TRPS1: variants seen among roughly 807,000 people sequenced by gnomAD.
TRPS1 encodes the protein transcriptional repressor GATA binding 1.
Under a neutral mutation model 101.2 loss-of-function variants are expected in TRPS1, and 6 were observed. The observed-to-expected ratio is 0.06, with a 90% CI of 0.03 to 0.12. TRPS1 has a LOEUF of 0.12. TRPS1 is among the 10% of genes least tolerant of loss of function. The probability of loss-of-function intolerance (pLI) is 1.00; values close to 1 mark genes in which losing one functional copy is unlikely to be tolerated. For missense variants in TRPS1, 1,363 were observed against 1,567.0 expected, an observed-to-expected ratio of 0.87 and a Z score of 2.20; for synonymous variants, 578 against 589.8, an observed-to-expected ratio of 0.98 and a Z score of 0.29.
chr8:115,531,488 G>T (rs893065216), intron 5 of TRPS1, among the ~76,000 whole-genome samples: 1 of 152,066 alleles, frequency 6.6e-6, no homozygotes, highest in East Asian at 1.9e-4. Context: ...AAAATGTAAA[G>T]AAAATAGGGG....
At chr8:115,521,930 C>T (rs1357646460) in intron 5 of TRPS1, among the ~76,000 whole-genome samples, 1 of 151,830 alleles carries the variant, frequency 6.6e-6, no homozygotes, top group East Asian at 1.9e-4. Flanking sequence ...TTAATGTCCT[C>T]ATGAAGAGAC....
intron 5 of TRPS1, among the ~76,000 whole-genome samples, chr8:115,582,431 C>T (rs563447583): frequency 1.3e-5 from 2 of 152,274 alleles, no homozygotes; most frequent in African/African-American, 2.4e-5. Context: ...TTTAACGCTG[C>T]TGAAGAAAAG....
rs1817581188 is a variant in TRPS1, at chr8:115,587,202, G to C, written c.2499C>G (p.Thr833=). Residue 833 remains threonine, a synonymous_variant, in exon 5 of 7, where the codon ACC becomes ACG. Transcript: ENST00000395715. ...CCCTTAGAGTCTTTGTCTGCTCTTGGGTGCCAGACACAGGCGTCAGCAGCC... is the reference window on the plus strand; with the variant it reads ...CCCTTAGAGTCTTTGTCTGCTCTTGCGTGCCAGACACAGGCGTCAGCAGCC... The part of the protein sequence containing the change: ...SLGLLTPVSG[T]QEQTKTLRDS... The C allele has an allele frequency of 1.9e-6, 3 of 1,614,178 alleles. No homozygotes were observed.
rs886062617 is a variant in TRPS1 at position 115,411,794 on chromosome 8, C to T, written c.*2229G>A. On this transcript the variant is annotated 3_prime_UTR_variant, in exon 7 of 7. Coordinates refer to ENST00000395715, the MANE Select transcript of TRPS1 (RefSeq NM_014112.5). ...ATTTCTGTCTCTTGCTTTCTCTTTT[C>T]TCTTTTTTTAATATGCAAACAAAAA... 1.1e-4 allele frequency: 17 copies of T among 152,118 alleles called. No individual in the cohort carries two copies. The highest frequency in any genetic ancestry group is 9.9e-4 in the Admixed American group (15 of 15,216). 9.4% of individuals were successfully genotyped at this position (152,118 alleles called of 1,614,324 possible). A position where few individuals can be genotyped will look rare whatever the true frequency, so the allele number is the denominator to read the frequency against.
At chr8:115,622,709 GA>G (rs1818422107) in intron 2 of TRPS1, among the ~76,000 whole-genome samples, 1 of 151,974 alleles carries the variant, frequency 6.6e-6, no homozygotes, top group South Asian at 2.1e-4. Context: ...TAAATGAAAT[GA>G]ATAAGGTTAC....
At chr8:115,647,211 T>G (rs1304920202) in intron 1 of TRPS1, among the ~76,000 whole-genome samples, 1 of 152,140 alleles carries the variant, frequency 6.6e-6, no homozygotes, top group East Asian at 1.9e-4. Context: ...ATATCTCTTG[T>G]GGAAAAATTT....
intron 5 of TRPS1, among the ~76,000 whole-genome samples, chr8:115,537,935 T>C (rs1400643241): frequency 6.6e-6 from 1 of 152,164 alleles, no homozygotes; most frequent in Non-Finnish European, 1.5e-5. Context: ...CTACTGGGAA[T>C]GAACCACAAG....
rs3808412 is a variant in TRPS1, at chr8:115,450,491, G to A, written c.2701-32039C>T. On this transcript the variant is annotated intron_variant, in intron 5 of 6. Coordinates refer to ENST00000395715, the MANE Select transcript of TRPS1 (RefSeq NM_014112.5). ...ATGATTTTGTGAGGACCACTTAAAC[G>A]AAATCACTAGCTAATGCGCTGACTC... Among the ~76,000 whole-genome samples, 72 of 151,772 alleles carry A rather than the reference G, an allele frequency of 4.7e-4. 2 individuals carry two copies. The East Asian group carries it at 0.013, about 27-fold the overall frequency.
chr8:115,627,233 T>A (rs1002994989), intron 1 of TRPS1, among the ~76,000 whole-genome samples: 2 of 151,706 alleles, frequency 1.3e-5, no homozygotes, highest in Non-Finnish European at 3.0e-5. Context: ...AAATCCCTGA[T>A]TGGAATAAGA....
intron 4 of TRPS1, among the ~76,000 whole-genome samples, chr8:115,598,371 G>T (rs752529451): frequency 6.6e-6 from 1 of 152,146 alleles, no homozygotes; most frequent in Non-Finnish European, 1.5e-5. Context: ...CCAGTGGCAT[G>T]ATCATGGCTT....
At chr8:115,499,385 T>G (rs1267010058) in intron 5 of TRPS1, among the ~76,000 whole-genome samples, 1 of 152,246 alleles carries the variant, frequency 6.6e-6, no homozygotes, top group Non-Finnish European at 1.5e-5. Context: ...AAAATAATAC[T>G]GCCAGTGGCC....
chr8:115,454,849 T>G (rs1194963140), intron 5 of TRPS1, among the ~76,000 whole-genome samples: 1 of 152,182 alleles, frequency 6.6e-6, no homozygotes, highest in Non-Finnish European at 1.5e-5. Context: ...TTTTAAAATG[T>G]ATTCCCATTC....
At chr8:115,446,162 T>A (rs1344289843) in intron 5 of TRPS1, among the ~76,000 whole-genome samples, 1 of 152,128 alleles carries the variant, frequency 6.6e-6, no homozygotes, top group Non-Finnish European at 1.5e-5. Flanking sequence ...TTTGTAGAGT[T>A]CATTCAAAAT....
intron 1 of TRPS1, among the ~76,000 whole-genome samples, chr8:115,667,232 G>A (rs1272584786): frequency 6.6e-6 from 1 of 152,084 alleles, no homozygotes; most frequent in Non-Finnish European, 1.5e-5. Flanking sequence ...CCATAAAACA[G>A]TTGCTGACTT....
chr8:115,503,729 C>A (rs1399699784), intron 5 of TRPS1, among the ~76,000 whole-genome samples: 1 of 152,122 alleles, frequency 6.6e-6, no homozygotes, highest in African/African-American at 2.4e-5. Flanking sequence ...AACAAAGATG[C>A]AAACCAGTAT....
chr8:115,581,905 G>C (rs1817460848), intron 5 of TRPS1, among the ~76,000 whole-genome samples: 1 of 152,128 alleles, frequency 6.6e-6, no homozygotes, highest in Admixed American at 6.6e-5. Context: ...CACAGAAGCA[G>C]AGACATGTAC....
intron 5 of TRPS1, among the ~76,000 whole-genome samples, chr8:115,488,699 AC>A (rs1166603806): frequency 1.3e-5 from 2 of 152,150 alleles, no homozygotes; most frequent in African/African-American, 2.4e-5. Context: ...AACAAAAAAA[AC>A]AAACCAGACA....
At chr8:115,583,509 T>A (rs1386125049) in intron 5 of TRPS1, among the ~76,000 whole-genome samples, 1 of 152,144 alleles carries the variant, frequency 6.6e-6, no homozygotes, top group South Asian at 2.1e-4. Flanking sequence ...AGGTGATTCA[T>A]GTTCTATAAG....
intron 5 of TRPS1, among the ~76,000 whole-genome samples, chr8:115,500,890 A>C (rs948195341): frequency 1.1e-4 from 17 of 152,164 alleles, no homozygotes; most frequent in Admixed American, 2.0e-4. Context: ...GGTTTTAATG[A>C]CAATATAGTC....
Sources: gnomAD v4.1 joint callset for allele counts (sites outside exome capture counted in the v4.1 genomes callset) on GRCh38, gnomAD v4.1.1 for gene constraint, MANE v1.5 for transcripts, NCBI Gene and HGNC (gene_info 2026-07-23, HGNC 2026-07-21) for gene names.